MX1: variants seen among roughly 807,000 people sequenced by gnomAD.
MX1 encodes the protein interferon-induced GTP-binding protein Mx1.
Under a neutral mutation model 66.4 loss-of-function variants are expected in MX1, and 66 were observed. The ratio of observed to expected loss-of-function variants is 0.99; its 90% CI spans 0.82 to 1.22. The LOEUF is 1.22. Among genes scored for constraint, MX1 ranks in the 50% most tolerant of loss-of-function variants. The pLI, the probability that MX1 is intolerant of heterozygous loss-of-function variation, is 0.00. For missense variants in MX1, 787 were observed against 834.3 expected, an observed-to-expected ratio of 0.94 and a Z score of 0.70; for synonymous variants, 311 against 318.1, an observed-to-expected ratio of 0.98 and a Z score of 0.24.
chr21:41,440,178 G>A (rs918079685), intron 8 of MX1, among the ~76,000 whole-genome samples: 3 of 152,140 alleles, frequency 2.0e-5, no homozygotes, highest in Non-Finnish European at 4.4e-5. Context: ...TTAGGAAGGG[G>A]TCTTATGTGG....
Position 41,452,961 on chromosome 21 carries a change from C to T in MX1, c.1758+92C>T, listed in dbSNP as rs1333852699. The T allele has an allele frequency of 9.5e-6, 14 of 1,475,038 alleles. No homozygotes were observed. The East Asian group carries it at 1.1e-4, about 12-fold the overall frequency. The allele number at this position is 1,475,038 out of a possible 1,614,324, so 91.4% of individuals were successfully genotyped here. A position where few individuals can be genotyped will look rare whatever the true frequency, so the allele number is the denominator to read the frequency against. ...TTAGTCTTGCTCTCTCTGTAGGTGA[C>T]GTTGGTCAGCTCTGTCGTTTACCTC... On this transcript the variant is annotated intron_variant, in intron 16 of 16. Coordinates refer to ENST00000398598, the MANE Select transcript of MX1 (RefSeq NM_002462.5).
chr21:41,438,548 C>A (rs374512248), intron 7 of MX1, among the ~76,000 whole-genome samples: 29 of 152,306 alleles, frequency 1.9e-4, no homozygotes, highest in East Asian at 9.6e-4. Flanking sequence ...GGGCAAGACC[C>A]GACATCTAAC....
intron 13 of MX1, among the ~76,000 whole-genome samples, chr21:41,447,633 G>A (rs2090699629): frequency 6.6e-6 from 1 of 152,196 alleles, no homozygotes; most frequent in Non-Finnish European, 1.5e-5. Flanking sequence ...GGAAAAGTGG[G>A]AAGTTATCAC....
chr21:41,435,854 G>T lies in MX1; in HGVS notation c.123G>T (p.Leu41=). ...TCCTCCAGGTGGCTGAGAACAACCT[G>T]TGCAGCCAGTATGAGGAGAAGGTGC... ...KNPGSVAENN[L]CSQYEEKVRP... Residue 41 remains leucine, a synonymous_variant, in exon 6 of 17, where the codon CTG becomes CTT. Coordinates refer to ENST00000398598, the MANE Select transcript of MX1 (RefSeq NM_002462.5). 1.2e-6 allele frequency: 2 copies of T among 1,610,934 alleles called. No individual in the cohort carries two copies. The highest frequency in any genetic ancestry group is 1.7e-6 in the Non-Finnish European group (2 of 1,177,332).
At chr21:41,448,271 G>C (rs1225223635) in intron 13 of MX1, among the ~76,000 whole-genome samples, 1 of 152,182 alleles carries the variant, frequency 6.6e-6, no homozygotes, top group Non-Finnish European at 1.5e-5. Context: ...CAGTGCTACT[G>C]TATCACATTC....
rs1601517803 is a variant in MX1, at chr21:41,445,807, C to T, written c.1132-193C>T. 13 of 840,278 alleles carry T rather than the reference C, an allele frequency of 1.5e-5. No individual in the cohort carries two copies. In the South Asian group the frequency reaches 1.6e-4, roughly 11 times the overall value. 52.1% of individuals were successfully genotyped at this position (840,278 alleles called of 1,614,324 possible). A position where few individuals can be genotyped will look rare whatever the true frequency, so the allele number is the denominator to read the frequency against. On this transcript the variant is annotated intron_variant, in intron 12 of 16. Transcript: ENST00000398598. The stretch of plus-strand genomic sequence containing the variant: ...TGTGCCTACTCTGTCACGAGCATCA[C>T]CCAGATCCCTAAGGCAGTAAGGGGT...
Position 41,458,569 on chromosome 21 carries a change from C to T in MX1, c.1800C>T (p.Ile600=). 5.0e-6 allele frequency: 8 copies of T among 1,611,636 alleles called. No homozygotes were observed. The highest frequency in any genetic ancestry group is 6.8e-6 in the Non-Finnish European group (8 of 1,178,978). The change falls in exon 17 of 17, where the codon ATC becomes ATT. Residue 600 remains isoleucine (I), a synonymous_variant. Transcript: ENST00000398598. ...KRISSHIPLI[I]QFFMLQTYGQ... Reference sequence around the variant, plus strand: ...TCTCCAGCCACATCCCTTTGATCATCCAGTTCTTCATGCTCCAGACGTACG... The same window carrying T: ...TCTCCAGCCACATCCCTTTGATCATTCAGTTCTTCATGCTCCAGACGTACG...
At chr21:41,431,764 G>T in intron 4 of MX1, 1 of 297,760 alleles carries the variant, frequency 3.4e-6, no homozygotes, top group Non-Finnish European at 6.5e-6. Flanking sequence ...GTGAGCCCCG[G>T]GGCCCGGCCT....
At chr21:41,430,096 T>C (rs985779084) in intron 3 of MX1, among the ~76,000 whole-genome samples, 1 of 152,072 alleles carries the variant, frequency 6.6e-6, no homozygotes, top group African/African-American at 2.4e-5. Context: ...CTTCCTGACA[T>C]GGGCGTTTCT....
chr21:41,449,372 C>T (rs2090761240), intron 14 of MX1, 77 bp downstream of exon 14: 1 of 1,473,418 alleles, frequency 6.8e-7, no homozygotes. Context: ...CACCAAACTT[C>T]AGCACTTTCC....
In MX1 at chr21:41,458,940, G is replaced by A; in HGVS notation, c.*182G>A. On this transcript the variant is annotated 3_prime_UTR_variant, in exon 17 of 17. Transcript: ENST00000398598. ...CAGTTTGGTTTCTAGCATGAAGACA[G>A]AGCCCCACCCTCAGATGCACATGAG... 1 of 1,091,096 alleles carries A rather than the reference G, an allele frequency of 9.2e-7. No individual in the cohort carries two copies. The highest frequency in any genetic ancestry group is 1.3e-6 in the Non-Finnish European group (1 of 786,510). The allele number at this position is 1,091,096 out of a possible 1,614,324, so 67.6% of individuals were successfully genotyped here.
At chr21:41,447,077 G>T (rs1158882700) in intron 13 of MX1, among the ~76,000 whole-genome samples, 1 of 152,136 alleles carries the variant, frequency 6.6e-6, no homozygotes, top group African/African-American at 2.4e-5. Context: ...CCACAGACTT[G>T]GGGGGGCTTA....
In MX1 at chr21:41,441,638, C is replaced by T. The variant is rs1328343705; in HGVS notation, c.731-78C>T. The T allele has an allele frequency of 3.1e-5, 46 of 1,472,664 alleles. No individual in the cohort carries two copies. Among genetic ancestry groups the T allele is most frequent in the Non-Finnish European group, 3.8e-5 (40 of 1,054,392 alleles). The allele number at this position is 1,472,664 out of a possible 1,614,324, so 91.2% of individuals were successfully genotyped here. A position where few individuals can be genotyped will look rare whatever the true frequency, so the allele number is the denominator to read the frequency against. ...AGGATGGGAGGAAACCCTGGGAGGC[C>T]GGGGGCGTGAGCAGTTGTTCGTTCA... is the stretch of plus-strand genomic sequence containing the variant. On this transcript the variant is annotated intron_variant, in intron 9 of 16. Transcript: ENST00000398598. This position sits in a 1 kb window ranked among gnomAD's most constrained non-coding sequence, Gnocchi z 4.0.
intron 16 of MX1, among the ~76,000 whole-genome samples, chr21:41,457,575 C>G (rs1022917838): frequency 1.3e-5 from 2 of 152,222 alleles, no homozygotes; most frequent in African/African-American, 2.4e-5. Context: ...CACACGCCCA[C>G]TCAGGCACTC....
chr21:41,456,946 G>A (rs2090973864), intron 16 of MX1, among the ~76,000 whole-genome samples: 1 of 152,148 alleles, frequency 6.6e-6, no homozygotes, highest in Non-Finnish European at 1.5e-5. Flanking sequence ...TTTTTCAGTA[G>A]AGACGGGGTT....
At chr21:41,452,935 T>G (rs1418536536) in intron 16 of MX1, 66 bp downstream of exon 16, 1 of 1,575,970 alleles carries the variant, frequency 6.3e-7, no homozygotes, top group Non-Finnish European at 8.6e-7. Context: ...CGCCTCTCTC[T>G]TTAGTCTTGC....
At chr21:41,429,466 C>T (rs961711412) in intron 3 of MX1, 4 of 152,158 alleles carry the variant, frequency 2.6e-5, no homozygotes, top group African/African-American at 9.7e-5. Flanking sequence ...GAAAGGCCAA[C>T]TGAGGCAACC....
intron 12 of MX1, 34 bp downstream of exon 12, chr21:41,445,604 C>T: frequency 6.2e-7 from 1 of 1,612,916 alleles, no homozygotes. Flanking sequence ...GCTGGAGAAG[C>T]ACATGTCATG....
At chr21:41,444,043 C>T (rs1402880934) in intron 11 of MX1, among the ~76,000 whole-genome samples, 177 bp downstream of exon 11, 1 of 152,104 alleles carries the variant, frequency 6.6e-6, no homozygotes, top group African/African-American at 2.4e-5. Context: ...CCAGCAAGCC[C>T]CCAGACAATG....
Sources: allele counts gnomAD v4.1 joint callset (sites outside exome capture counted in the v4.1 genomes callset), GRCh38; gene constraint gnomAD v4.1.1; non-coding constraint Gnocchi (gnomAD v3.1); transcripts MANE v1.5; gene names NCBI Gene and HGNC (gene_info 2026-07-23, HGNC 2026-07-21).